Variants in CALHM4 observed in about 807,000 individuals in gnomAD.
CALHM4 encodes calcium homeostasis modulator family member 4.
A neutral mutation model predicts 13.3 loss-of-function variants in CALHM4; 16 were observed. The observed-to-expected ratio is 1.20, with a 90% CI of 0.81 to 1.82. The LOEUF (loss-of-function observed/expected upper bound fraction) is 1.82. Among genes scored for constraint, CALHM4 ranks in the 40% most tolerant of loss-of-function variants. CALHM4 has a pLI of 0.00. For missense variants in CALHM4, 344 were observed against 374.9 expected (o/e 0.92, Z 0.68); for synonymous variants, 127 against 137.1 (o/e 0.93, Z 0.52).
At chr6:116,553,437 C>T (rs1774167637), upstream of CALHM4, among the ~76,000 whole-genome samples, 1 of 152,142 alleles carries the variant, frequency 6.6e-6, no homozygotes, top group South Asian at 2.1e-4. Flanking sequence ...GTTTTGCTTT[C>T]AATGCTCTAT....
chr6:116,547,781 T>G (rs1160352870), intron 2 of CALHM4, among the ~76,000 whole-genome samples: 1 of 152,202 alleles, frequency 6.6e-6, no homozygotes, highest in African/African-American at 2.4e-5. Context: ...ATAAGCAAAG[T>G]TTTTCCTGTT....
At chr6:116,551,837 G>A (rs1287932594), upstream of CALHM4, among the ~76,000 whole-genome samples, 1 of 152,206 alleles carries the variant, frequency 6.6e-6, no homozygotes, top group Non-Finnish European at 1.5e-5. Context: ...ATCAGTGTAT[G>A]AGAATTTCAG....
chr6:116,554,425 C>A, intron 1 of CALHM4, 74 bp downstream of exon 1: 2 of 1,216,928 alleles, frequency 1.6e-6, no homozygotes, highest in Non-Finnish European at 2.2e-6. Context: ...ATTTCAGATT[C>A]CTACTGCTTC....
upstream of CALHM4, among the ~76,000 whole-genome samples, chr6:116,551,605 C>G (rs140370897): frequency 6.6e-6 from 1 of 151,062 alleles, no homozygotes; most frequent in Non-Finnish European, 1.5e-5. Flanking sequence ...TTTGTTGATT[C>G]ATTCCTTTGT....
upstream of CALHM4, among the ~76,000 whole-genome samples, chr6:116,550,324 G>A (rs1404713223): frequency 1.3e-5 from 2 of 151,990 alleles, no homozygotes; most frequent in Non-Finnish European, 2.9e-5. Context: ...GTTTAATCTA[G>A]TTCTGGAACA....
At chr6:116,543,859 G>A (rs1235524731) in exon 2 of CALHM4, 2 of 1,533,728 alleles carry the variant, frequency 1.3e-6, no homozygotes, top group Non-Finnish European at 1.7e-6. Context: ...AAACCCAAAT[G>A]TAGCAGCAAA....
At chr6:116,543,452 A>G (rs1313637193) in intron 1 of CALHM4, 2 of 1,370,218 alleles carry the variant, frequency 1.5e-6, no homozygotes, top group African/African-American at 2.9e-5. Flanking sequence ...ACAGTATACT[A>G]CTGTATTTCT....
intron 2 of CALHM4, chr6:116,543,932 C>A: frequency 1.6e-6 from 2 of 1,271,178 alleles, no homozygotes; most frequent in Non-Finnish European, 2.2e-6. Context: ...CCTTATAGTT[C>A]TCCAAAATAT....
intron 1 of CALHM4, among the ~76,000 whole-genome samples, chr6:116,532,700 T>C (rs1386777370): frequency 1.3e-5 from 2 of 152,214 alleles, no homozygotes; most frequent in Non-Finnish European, 2.9e-5. Context: ...ATGTACAAAA[T>C]AAGCTGGTCA....
At chr6:116,535,406 A>G (rs140164585) in intron 1 of CALHM4, among the ~76,000 whole-genome samples, 4 of 152,346 alleles carry the variant, frequency 2.6e-5, no homozygotes, top group East Asian at 3.9e-4. Flanking sequence ...TGTCCAAACT[A>G]CTTTCAAAAG....
chr6:116,546,106 A>G (rs1237751974), intron 2 of CALHM4, among the ~76,000 whole-genome samples: 2 of 152,184 alleles, frequency 1.3e-5, no homozygotes, highest in African/African-American at 4.8e-5. Flanking sequence ...GTATTCAAAT[A>G]TATCTGGTAA....
Position 116,543,657 on chromosome 6 carries a change from C to T in CALHM4, c.-108-108C>T, listed in dbSNP as rs115698346. ...ATGATAACATCTTTCTATGCATTTGCTTACATGATAACTTGCAATGTATTT... is the reference window on the plus strand; with the variant it reads ...ATGATAACATCTTTCTATGCATTTGTTTACATGATAACTTGCAATGTATTT... On this transcript the variant is annotated intron_variant, in intron 1 of 2. Coordinates refer to the CALHM4 transcript ENST00000368597. 1.6e-3 allele frequency: 1,140 copies of T among 705,892 alleles called. 10 individuals carry two copies. The African/African-American group carries it at 0.018, about 11-fold the overall frequency. 43.7% of individuals were successfully genotyped at this position (705,892 alleles called of 1,614,324 possible). A position where few individuals can be genotyped will look rare whatever the true frequency, so the allele number is the denominator to read the frequency against.
At chr6:116,553,616 C>T (rs889102924), upstream of CALHM4, 11 of 620,822 alleles carry the variant, frequency 1.8e-5, no homozygotes, top group Non-Finnish European at 2.7e-5. Context: ...TGTAATCAAT[C>T]TGAGCTCAGG....
chr6:116,543,601 G>A (rs894570448), intron 1 of CALHM4, among the ~76,000 whole-genome samples: 1 of 152,096 alleles, frequency 6.6e-6, no homozygotes, highest in Non-Finnish European at 1.5e-5. Flanking sequence ...GTGGGGGAGA[G>A]AGAGCTGTTA....
chr6:116,548,026 A>T (rs192562030), intron 2 of CALHM4, among the ~76,000 whole-genome samples: 43 of 152,296 alleles, frequency 2.8e-4, no homozygotes, highest in African/African-American at 8.9e-4. Flanking sequence ...TCACCCGCAA[A>T]CTATCAGAGA....
intron 1 of CALHM4, among the ~76,000 whole-genome samples, chr6:116,533,768 C>A (rs577094817): frequency 6.6e-6 from 1 of 151,808 alleles, no homozygotes; most frequent in African/African-American, 2.4e-5. Context: ...CTGTCTCTAG[C>A]GTGCCTTTTG....
chr6:116,544,456 A>G (rs534322335), intron 2 of CALHM4, among the ~76,000 whole-genome samples: 136 of 152,222 alleles, frequency 8.9e-4, no homozygotes, highest in African/African-American at 3.2e-3. Flanking sequence ...ACCTTGAACT[A>G]TCTGTTCAAT....
chr6:116,548,124 C>T (rs7758094), intron 2 of CALHM4, among the ~76,000 whole-genome samples: 100,099 of 151,982 alleles, frequency 0.66, 33,268 homozygotes, highest in East Asian at 0.89. Context: ...TTTGGGGAAG[C>T]GATTAGGTCA....
At chr6:116,549,425 T>C (rs923948889), upstream of CALHM4, among the ~76,000 whole-genome samples, 12 of 152,330 alleles carry the variant, frequency 7.9e-5, no homozygotes, top group South Asian at 2.1e-4. Flanking sequence ...TGATACATGA[T>C]ATTATGAGGT....
Sources: allele counts gnomAD v4.1 joint callset (sites outside exome capture counted in the v4.1 genomes callset), GRCh38; gene constraint gnomAD v4.1.1; transcripts MANE v1.5; gene names NCBI Gene and HGNC (gene_info 2026-07-23, HGNC 2026-07-21).